The following CYP2C8 variants were observed in gnomAD, a reference collection of about 807,000 sequenced individuals.
CYP2C8 encodes the protein cytochrome P450 2C8.
Under a neutral mutation model 41.3 loss-of-function variants are expected in CYP2C8, and 51 were observed. The observed-to-expected ratio is 1.24, with a 90% CI of 0.99 to 1.56. The LOEUF is 1.56. Ranked by LOEUF, CYP2C8 falls within the 40% of genes most tolerant of loss-of-function variation. The pLI, the probability that CYP2C8 is intolerant of heterozygous loss-of-function variation, is 0.00. For missense variants in CYP2C8, 651 were observed against 579.9 expected (o/e 1.12, Z -1.26); for synonymous variants, 218 against 205.8 (o/e 1.06, Z -0.51).
intron 3 of CYP2C8, among the ~76,000 whole-genome samples, chr10:95,065,527 TTATC>T (rs1290915867): frequency 3.9e-5 from 6 of 152,200 alleles, no homozygotes; most frequent in East Asian, 1.9e-4. Flanking sequence ...ACAGATTTGT[TTATC>T]TAAATAAGTA....
chr10:95,042,775 C>A (rs2033028227), intron 7 of CYP2C8, 115 bp downstream of exon 7: 2 of 875,310 alleles, frequency 2.3e-6, no homozygotes, highest in Admixed American at 3.5e-5. Context: ...CATCAAGCTG[C>A]CACATGTATG....
intron 5 of CYP2C8, among the ~76,000 whole-genome samples, chr10:95,049,246 A>G (rs1406694544): frequency 6.6e-6 from 1 of 152,004 alleles, no homozygotes; most frequent in Non-Finnish European, 1.5e-5. Context: ...TTATTCCCCA[A>G]GCAAAGACAT....
In CYP2C8 at chr10:95,064,843, C is replaced by A; in HGVS notation, c.599G>T (p.Arg200Ile). The stretch of plus-strand genomic sequence containing the variant: ...CAGAATCCTGAAGTTTTCATTGAAT[C>A]TTTTCATCAGGGTGAGAAAATTCTG... ...KDQNFLTLMK[R>I]FNENFRILNS... The change falls in exon 4 of 9, where the codon AGA becomes ATA. Residue 200 changes from arginine to isoleucine, a missense_variant. Coordinates refer to ENST00000371270, the MANE Select transcript of CYP2C8 (RefSeq NM_000770.3). 6.2e-7 allele frequency: 1 copy of A among 1,613,992 alleles called. No individual in the cohort carries two copies. The highest frequency in any genetic ancestry group is 1.7e-4 in the Middle Eastern group (1 of 6,054).
intron 8 of CYP2C8, among the ~76,000 whole-genome samples, chr10:95,038,118 C>T (rs149432925): frequency 2.5e-4 from 38 of 152,238 alleles, no homozygotes; most frequent in Middle Eastern, 3.4e-3. Flanking sequence ...AAGGAGATTC[C>T]ATGGCCAGAG....
rs937213509 is a variant in CYP2C8, at chr10:95,056,205, C to T, written c.819+2130G>A. On this transcript the variant is annotated intron_variant, in intron 5 of 8. Transcript: ENST00000371270. ...ATTAATATCATAGGTCAAGTCAAAACCACAATGAAATACCACTTTGCACTG... is the reference window on the plus strand; with the variant it reads ...ATTAATATCATAGGTCAAGTCAAAATCACAATGAAATACCACTTTGCACTG... Among the ~76,000 whole-genome samples, 5 of 152,026 alleles carry T rather than the reference C, an allele frequency of 3.3e-5. No homozygotes were observed. The South Asian group carries it at 8.3e-4, about 25-fold the overall frequency.
intron 7 of CYP2C8, among the ~76,000 whole-genome samples, chr10:95,041,704 C>G (rs533466492): frequency 6.7e-6 from 1 of 148,622 alleles, no homozygotes; most frequent in African/African-American, 2.5e-5. Flanking sequence ...TGGCGTGAAC[C>G]CGGGAAGCGG....
At position 95,045,869 on chromosome 10, in the gene CYP2C8, G is replaced by T. The variant is rs1317173820; in HGVS notation, c.902C>A (p.Thr301Lys). The T allele has an allele frequency of 6.2e-7, 1 of 1,614,032 alleles. No homozygotes were observed. The highest frequency in any genetic ancestry group is 2.2e-5 in the East Asian group (1 of 44,878). Residue 301 changes from threonine (T) to lysine (K), a missense_variant, in exon 6 of 9, where the codon ACA becomes AAA. By Grantham distance (78) the Thr-to-Lys change is moderately conservative. Transcript: ENST00000371270. ...TCCATATCTCAGAGTGGTGCTTGTT[G>T]TCTCTGTTCCAGCAACAAATAGATC... ...VADLFVAGTE[T>K]TSTTLRYGLL...
At chr10:95,066,682 C>T (rs954780385) in intron 3 of CYP2C8, among the ~76,000 whole-genome samples, 2 of 152,090 alleles carry the variant, frequency 1.3e-5, no homozygotes, top group Admixed American at 6.6e-5. Context: ...AGTGTCATTG[C>T]TGGCCAGAGC....
chr10:95,067,470 C>G, intron 2 of CYP2C8, 59 bp downstream of exon 2: 1 of 1,612,996 alleles, frequency 6.2e-7, no homozygotes, highest in Non-Finnish European at 8.5e-7. Flanking sequence ...TTTTAGGGCT[C>G]TGTTTTCCAT....
intron 5 of CYP2C8, among the ~76,000 whole-genome samples, chr10:95,054,870 T>C (rs568282739): frequency 6.6e-6 from 1 of 152,172 alleles, no homozygotes; most frequent in Admixed American, 6.5e-5. Flanking sequence ...CTGAAAACTA[T>C]GAAATGTTGC....
chr10:95,069,472 A>T lies in CYP2C8; in HGVS notation c.-70T>A. 1 of 1,238,474 alleles carries T rather than the reference A, an allele frequency of 8.1e-7. No individual in the cohort carries two copies. Among genetic ancestry groups the T allele is most frequent in the Admixed American group, 1.8e-5 (1 of 56,960 alleles). 76.7% of individuals were successfully genotyped at this position (1,238,474 alleles called of 1,614,324 possible). A position where few individuals can be genotyped will look rare whatever the true frequency, so the allele number is the denominator to read the frequency against. ...AAAGTTTTTATAACACTCCCTGCTA[A>T]TTTAGTGTGTGTCTCTTTGACATGT... On this transcript the variant is annotated 5_prime_UTR_variant, in exon 1 of 9. Transcript: ENST00000371270.
rs760811547 is a variant in CYP2C8 at position 95,042,875 on chromosome 10, G to C, written c.1149+15C>G. 6.2e-7 allele frequency: 1 copy of C among 1,607,558 alleles called. No individual in the cohort carries two copies. On this transcript the variant is annotated intron_variant, in intron 7 of 8. Transcript: ENST00000371270. Reference sequence around the variant, plus strand: ...TCAGAAGTACAGAAATATAGTGTAAGAGAAACAAGCTTACCTTGGGGATGA... The same window carrying C: ...TCAGAAGTACAGAAATATAGTGTAACAGAAACAAGCTTACCTTGGGGATGA...
At chr10:95,052,160 G>A (rs1426649808) in intron 5 of CYP2C8, among the ~76,000 whole-genome samples, 3 of 152,162 alleles carry the variant, frequency 2.0e-5, no homozygotes, top group Non-Finnish European at 4.4e-5. Flanking sequence ...AGGATCATTG[G>A]TGGCTACCAT....
At chr10:95,041,689 G>A (rs907449206) in intron 7 of CYP2C8, among the ~76,000 whole-genome samples, 2 of 150,866 alleles carry the variant, frequency 1.3e-5, no homozygotes, top group Admixed American at 6.6e-5. Flanking sequence ...GCTGAGGCAG[G>A]AGAATGGCGT....
At position 95,042,927 on chromosome 10, in the gene CYP2C8, G is replaced by T; in HGVS notation, c.1112C>A (p.Thr371Asn). 2 of 1,614,154 alleles carry T rather than the reference G, an allele frequency of 1.2e-6. No individual in the cohort carries two copies. Among genetic ancestry groups the T allele is most frequent in the Non-Finnish European group, 1.7e-6 (2 of 1,179,998 alleles). ...LVPTGVPHAV[T>N]TDTKFRNYLI... is the part of the protein sequence containing the mutation. ...GTAGTTTCTGAACTTAGTATCAGTG[G>T]TCACTGCATGGGGCACACCGGTGGG... is the stretch of plus-strand genomic sequence containing the variant. The change falls in exon 7 of 9, where the codon ACC (threonine) becomes AAC (asparagine). Residue 371 changes from threonine to asparagine, a missense_variant. Thr to Asn is a moderately conservative substitution (Grantham distance 65). Coordinates refer to ENST00000371270, the MANE Select transcript of CYP2C8 (RefSeq NM_000770.3).
intron 4 of CYP2C8, among the ~76,000 whole-genome samples, chr10:95,059,085 A>T (rs1048484219): frequency 6.6e-6 from 1 of 152,176 alleles, no homozygotes; most frequent in Non-Finnish European, 1.5e-5. Context: ...GCTATTGTGA[A>T]TAGTGCCACA....
chr10:95,039,329 C>A, intron 7 of CYP2C8: 3 of 397,646 alleles, frequency 7.5e-6, no homozygotes, highest in Non-Finnish European at 1.4e-5. Flanking sequence ...CGCTCTATTT[C>A]ATCACTTCAA....
At chr10:95,058,677 G>A (rs1384512616) in intron 4 of CYP2C8, among the ~76,000 whole-genome samples, 166 bp from the exon 5 acceptor site, 1 of 151,968 alleles carries the variant, frequency 6.6e-6, no homozygotes, top group Non-Finnish European at 1.5e-5. Context: ...AAGTTCTAGG[G>A]TATATGTGCA....
At chr10:95,058,632 AT>A in intron 4 of CYP2C8, 121 bp from the exon 5 acceptor site, 1 of 863,496 alleles carries the variant, frequency 1.2e-6, no homozygotes, top group Non-Finnish European at 1.8e-6. Flanking sequence ...TTGAAGGGAA[AT>A]TTTTATACAT....
Sources: allele counts gnomAD v4.1 joint callset (sites outside exome capture counted in the v4.1 genomes callset), GRCh38; gene constraint gnomAD v4.1.1; transcripts MANE v1.5; gene names NCBI Gene and HGNC (gene_info 2026-07-23, HGNC 2026-07-21).